Variants in NKAIN3 observed in about 807,000 individuals in gnomAD.
NKAIN3 encodes the protein sodium/potassium-transporting ATPase subunit beta-1-interacting protein 3.
A neutral mutation model predicts 30.2 loss-of-function variants in NKAIN3; 25 were observed. The ratio of observed to expected loss-of-function variants is 0.83; its 90% confidence interval spans 0.60 to 1.16. The LOEUF (loss-of-function observed/expected upper bound fraction) is 1.16, where lower values mean the gene tolerates loss of function less well. Ranked by LOEUF, NKAIN3 falls within the 50% of genes most tolerant of loss-of-function variation. NKAIN3 has a pLI of 0.00. For synonymous variants in NKAIN3, 91 were observed against 89.6 expected (o/e 1.02, Z -0.09); for missense variants, 225 against 254.1 (o/e 0.89, Z 0.78).
intron 1 of NKAIN3, among the ~76,000 whole-genome samples, chr8:62,413,416 GT>G (rs1271660741): frequency 6.6e-6 from 1 of 152,048 alleles, no homozygotes; most frequent in Non-Finnish European, 1.5e-5. Context: ...TCACCCTTGG[GT>G]TTATTCATTG....
intron 1 of NKAIN3, among the ~76,000 whole-genome samples, chr8:62,509,663 T>C (rs1807759781): frequency 6.6e-6 from 1 of 152,138 alleles, no homozygotes. Context: ...TAAAGCTATA[T>C]CTGAAATTGC....
chr8:62,325,744 T>C, intron 1 of NKAIN3, among the ~76,000 whole-genome samples: 1 of 151,466 alleles, frequency 6.6e-6, no homozygotes, highest in South Asian at 2.1e-4. Flanking sequence ...CATTTTCTTG[T>C]TTGTTTGAAA....
At chr8:62,421,042 C>CA (rs946382863) in intron 1 of NKAIN3, among the ~76,000 whole-genome samples, 2 of 152,170 alleles carry the variant, frequency 1.3e-5, no homozygotes, top group African/African-American at 4.8e-5. Flanking sequence ...CTTAGGCATG[C>CA]AGCCTACCAC....
rs1810228069 is a variant in NKAIN3 at position 62,579,581 on chromosome 8, C to A, written c.97C>A (p.Gln33Lys). 6.2e-7 allele frequency: 1 copy of A among 1,610,662 alleles called. No homozygotes were observed. The highest frequency in any genetic ancestry group is 8.5e-7 in the Non-Finnish European group (1 of 1,177,990). The change falls in exon 2 of 7, where the codon CAG becomes AAG. Residue 33 changes from glutamine to lysine, a missense_variant. Gln to Lys is a moderately conservative substitution (Grantham distance 53). Coordinates refer to ENST00000623646, the MANE Select transcript of NKAIN3 (RefSeq NM_001304533.3). ...ERQIFDFLGF[Q>K]WAPILGNFLH... ...GCAGATCTTTGACTTCCTTGGTTTC[C>A]AGTGGGCGCCTATTCTTGGAAATTT...
intron 4 of NKAIN3, among the ~76,000 whole-genome samples, chr8:62,852,157 T>A (rs1354821074): frequency 1.3e-5 from 2 of 152,204 alleles, no homozygotes; most frequent in African/African-American, 4.8e-5. Context: ...TATTCGGAGA[T>A]TCATCTTTTT....
chr8:62,347,598 A>G (rs1041880419), intron 1 of NKAIN3, among the ~76,000 whole-genome samples: 1 of 152,108 alleles, frequency 6.6e-6, no homozygotes, highest in Non-Finnish European at 1.5e-5. Flanking sequence ...AACACATAAA[A>G]TATCAAAGGA....
At position 62,249,125 on chromosome 8, in the gene NKAIN3, T is replaced by C. The variant is rs374585193; in HGVS notation, c.52T>C (p.Leu18=). 1.3e-3 allele frequency: 1,980 copies of C among 1,536,730 alleles called. 15 individuals carry two copies. In the African/African-American group the frequency reaches 0.024, roughly 18 times the overall value. ...GCTCATCTGCCTCTGCGCGCTGCAG[T>C]TGGTGAGTGCCCCGAGGGCCCCTGC... ...CSLICLCALQ[L]VSALERQIFD... is the part of the protein sequence containing the mutation. The change falls in exon 1 of 7, where the codon TTG becomes CTG. Residue 18 remains leucine (L), a splice_region_variant and synonymous_variant. Coordinates refer to ENST00000623646, the MANE Select transcript of NKAIN3 (RefSeq NM_001304533.3).
intron 1 of NKAIN3, among the ~76,000 whole-genome samples, chr8:62,484,702 T>C (rs1806842813): frequency 6.6e-6 from 1 of 152,326 alleles, no homozygotes; most frequent in South Asian, 2.1e-4. Flanking sequence ...TCCTTTTCAT[T>C]CTGCATGGGA....
intron 4 of NKAIN3, among the ~76,000 whole-genome samples, chr8:62,774,043 T>C (rs1817104006): frequency 2.0e-5 from 3 of 152,218 alleles, no homozygotes; most frequent in Admixed American, 6.5e-5. Context: ...CATATGAACA[T>C]AAAATATCTT....
chr8:62,297,856 A>G (rs1487643965), intron 1 of NKAIN3, among the ~76,000 whole-genome samples: 1 of 152,220 alleles, frequency 6.6e-6, no homozygotes, highest in Admixed American at 6.5e-5. Context: ...TCATGCTGCT[A>G]TAAAGACACA....
At chr8:62,426,417 GGCC>G (rs1340250208) in intron 1 of NKAIN3, among the ~76,000 whole-genome samples, 1 of 151,926 alleles carries the variant, frequency 6.6e-6, no homozygotes, top group Non-Finnish European at 1.5e-5. Context: ...CTTCTTCAAA[GGCC>G]AAACAGCATC....
At chr8:62,842,799 G>T (rs1563588593) in intron 4 of NKAIN3, among the ~76,000 whole-genome samples, 3 of 151,968 alleles carry the variant, frequency 2.0e-5, no homozygotes, top group Non-Finnish European at 2.9e-5. Flanking sequence ...AGGAAAACCA[G>T]TTATCCACAT....
intron 1 of NKAIN3, among the ~76,000 whole-genome samples, chr8:62,453,946 T>C (rs2129598999): frequency 6.6e-6 from 1 of 152,106 alleles, no homozygotes; most frequent in East Asian, 1.9e-4. Context: ...TCCACCTTCC[T>C]TGTATAAGGA....
chr8:62,570,487 T>C (rs1326677538), intron 1 of NKAIN3, among the ~76,000 whole-genome samples: 1 of 152,170 alleles, frequency 6.6e-6, no homozygotes, highest in Non-Finnish European at 1.5e-5. Flanking sequence ...CTCACAATCA[T>C]GGCTGAAGGT....
At chr8:62,281,869 A>G (rs1021463965) in intron 1 of NKAIN3, among the ~76,000 whole-genome samples, 2 of 152,142 alleles carry the variant, frequency 1.3e-5, no homozygotes, top group East Asian at 1.9e-4. Context: ...CAAGCATTTT[A>G]TGAGTTCTGA....
At chr8:62,509,955 G>A (rs1366047647) in intron 1 of NKAIN3, among the ~76,000 whole-genome samples, 4 of 152,084 alleles carry the variant, frequency 2.6e-5, no homozygotes, top group East Asian at 1.9e-4. Context: ...GCATAAATAT[G>A]TATATTTTAA....
intron 1 of NKAIN3, among the ~76,000 whole-genome samples, chr8:62,419,910 C>A (rs1460447592): frequency 6.6e-6 from 1 of 152,130 alleles, no homozygotes; most frequent in Non-Finnish European, 1.5e-5. Flanking sequence ...CCTTTGAAAC[C>A]CATGTTCAAT....
At chr8:62,869,371 G>A (rs1301797007) in intron 4 of NKAIN3, among the ~76,000 whole-genome samples, 5 of 151,968 alleles carry the variant, frequency 3.3e-5, no homozygotes, top group African/African-American at 4.8e-5. Flanking sequence ...TTCCCCTCCC[G>A]GGGTCCATGT....
chr8:62,957,423 C>A (rs559811889), intron 6 of NKAIN3, among the ~76,000 whole-genome samples: 1 of 152,172 alleles, frequency 6.6e-6, no homozygotes, highest in African/African-American at 2.4e-5. Flanking sequence ...CGTGAGCCAC[C>A]GCGCCCGGCC....
Sources: allele counts gnomAD v4.1 joint callset (sites outside exome capture counted in the v4.1 genomes callset), GRCh38; gene constraint gnomAD v4.1.1; transcripts MANE v1.5; gene names NCBI Gene and HGNC (gene_info 2026-07-23, HGNC 2026-07-21).